TMEM40: variants seen among roughly 807,000 people sequenced by gnomAD.
The protein encoded by TMEM40 is transmembrane protein 40.
Under a neutral mutation model 40.8 loss-of-function variants are expected in TMEM40, and 34 were observed. The ratio of observed to expected loss-of-function variants is 0.83; its 90% CI spans 0.63 to 1.11. TMEM40 has a LOEUF of 1.11. Among genes scored for constraint, TMEM40 ranks in the 50% least tolerant of loss-of-function variants. TMEM40 has a pLI of 0.00. For synonymous variants in TMEM40, 106 were observed against 107.0 expected (o/e 0.99, Z 0.06); for missense variants, 296 against 280.2 (o/e 1.06, Z -0.40).
upstream of TMEM40, among the ~76,000 whole-genome samples, chr3:12,759,983 G>T (rs908826573): frequency 0.095 from 4 of 42 alleles, no homozygotes; most frequent in African/African-American, 0.2. Flanking sequence ...AACAGGCAAG[G>T]CCCAGGAGCT....
At chr3:12,746,521 T>C (rs1220210944) in intron 3 of TMEM40, among the ~76,000 whole-genome samples, 1 of 152,094 alleles carries the variant, frequency 6.6e-6, no homozygotes, top group Non-Finnish European at 1.5e-5. Context: ...GGGAGAGAGA[T>C]GGTGGATGTG....
At chr3:12,744,714 C>A (rs2061413580) in intron 3 of TMEM40, among the ~76,000 whole-genome samples, 1 of 152,220 alleles carries the variant, frequency 6.6e-6, no homozygotes, top group Non-Finnish European at 1.5e-5. Flanking sequence ...GAATTCAGGT[C>A]TAGGAGTTTC....
intron 4 of TMEM40, 92 bp downstream of exon 4, chr3:12,743,808 C>A (rs1420142572): frequency 8.0e-7 from 1 of 1,244,306 alleles, no homozygotes; most frequent in Non-Finnish European, 1.1e-6. Context: ...CTGCCATAAA[C>A]AATGCTGTGA....
intron 1 of TMEM40, among the ~76,000 whole-genome samples, chr3:12,753,981 C>T (rs990645546): frequency 6.6e-6 from 1 of 152,108 alleles, no homozygotes; most frequent in African/African-American, 2.4e-5. Flanking sequence ...AGGAGGGAGG[C>T]AGACTGGAGA....
At position 12,755,945 on chromosome 3, in the gene TMEM40, G is replaced by T. The variant is rs547541523; in HGVS notation, c.-9+3246C>A. Among the ~76,000 whole-genome samples, 3 of 152,326 alleles carry T rather than the reference G, an allele frequency of 2.0e-5. No individual in the cohort carries two copies. In the South Asian group the frequency reaches 6.2e-4, roughly 32 times the overall value. ...AAAGAGTCTCTGCAAAGAAACCGCG[G>T]ATGGAGATAACCCTAATCATGAAAG... On this transcript the variant is annotated intron_variant, in intron 1 of 11. Transcript: ENST00000314124.
At chr3:12,749,214 C>T (rs1396844166) in intron 2 of TMEM40, among the ~76,000 whole-genome samples, 3 of 151,944 alleles carry the variant, frequency 2.0e-5, no homozygotes, top group African/African-American at 4.8e-5. Context: ...TTAGTAGAGA[C>T]GGGGTTTCAC....
At chr3:12,736,673 G>A (rs1474894761) in intron 9 of TMEM40, 21 bp from the exon 10 acceptor site, 2 of 1,612,044 alleles carry the variant, frequency 1.2e-6, no homozygotes, top group Non-Finnish European at 8.5e-7. Flanking sequence ...AGTGAGGGAG[G>A]GAATGGTCAG....
chr3:12,736,954 T>C (rs1277106668), intron 8 of TMEM40, 119 bp from the exon 9 acceptor site: 2 of 1,271,308 alleles, frequency 1.6e-6, no homozygotes, highest in Non-Finnish European at 2.3e-6. Flanking sequence ...TCCCAGCTCA[T>C]TGCAGCCTTG....
At chr3:12,734,925 A>C (rs1323724859) in intron 11 of TMEM40, 132 bp from the exon 12 acceptor site, 6 of 976,278 alleles carry the variant, frequency 6.1e-6, no homozygotes, top group Admixed American at 4.3e-5. Flanking sequence ...ATGGGTCTCA[A>C]TGAACCACAG....
At chr3:12,762,041 T>C, upstream of TMEM40, among the ~76,000 whole-genome samples, 1 of 152,184 alleles carries the variant, frequency 6.6e-6, no homozygotes, top group Admixed American at 6.5e-5. Context: ...TCATAGCTCA[T>C]GGTAACCTTG....
chr3:12,766,597 A>C (rs1352264701), intron 1 of TMEM40, among the ~76,000 whole-genome samples: 1 of 150,886 alleles, frequency 6.6e-6, no homozygotes, highest in Non-Finnish European at 1.5e-5. Flanking sequence ...TCCATCTCAA[A>C]AAAAAAAAAA....
At chr3:12,755,233 C>CTCTCTCTCTCTCTCTT (rs1553634013) in intron 1 of TMEM40, among the ~76,000 whole-genome samples, 6 of 59,958 alleles carry the variant, frequency 1.0e-4, no homozygotes, top group African/African-American at 4.3e-4. Flanking sequence ...CTCTCTCTCT[C>CTCTCTCTCTCTCTCTT]TCTTTCTTTC....
chr3:12,748,795 A>G lies in TMEM40; in HGVS notation c.74-3T>C, dbSNP rs1309643342. 3.7e-6 allele frequency: 6 copies of G among 1,613,822 alleles called. No homozygotes were observed. The Middle Eastern group carries it at 5.0e-4, about 134-fold the overall frequency. On this transcript the variant is annotated splice_region_variant and splice_polypyrimidine_tract_variant and intron_variant, in intron 2 of 11. Coordinates refer to ENST00000314124, the MANE Select transcript of TMEM40 (RefSeq NM_018306.4). ...CTTGTGGAAATCTGTCTCTCCATCT[A>G]CAAGGCACACAGAGGCCAGGGGATG...
At chr3:12,742,288 C>T (rs1318359092) in intron 5 of TMEM40, among the ~76,000 whole-genome samples, 166 bp downstream of exon 5, 1 of 152,066 alleles carries the variant, frequency 6.6e-6, no homozygotes, top group Non-Finnish European at 1.5e-5. Flanking sequence ...ATCTCATGCC[C>T]GCCTCCCCAC....
intron 1 of TMEM40, among the ~76,000 whole-genome samples, chr3:12,755,225 CTCTCTCTCTCTTTCTTTCTT>C (rs2061514103): frequency 1.3e-5 from 1 of 78,950 alleles, no homozygotes; most frequent in African/African-American, 6.2e-5. Context: ...CTCTCTCTCT[CTCTCTCTCTCTTTCTTTCTT>C]TCTTTCTTTC....
chr3:12,751,849 G>A (rs2061479796), intron 1 of TMEM40, among the ~76,000 whole-genome samples: 1 of 152,164 alleles, frequency 6.6e-6, no homozygotes, highest in African/African-American at 2.4e-5. Context: ...GCTGGCTGAT[G>A]TCAGATAGAC....
intron 1 of TMEM40, among the ~76,000 whole-genome samples, chr3:12,766,789 C>T (rs1003088649): frequency 3.3e-5 from 5 of 152,140 alleles, no homozygotes; most frequent in African/African-American, 1.2e-4. Flanking sequence ...TGCAGAAACA[C>T]AGGTCTAGAG....
chr3:12,742,442 G>A lies in TMEM40; in HGVS notation c.355+12C>T. 1 of 1,612,792 alleles carries A rather than the reference G, an allele frequency of 6.2e-7. No homozygotes were observed. The highest frequency in any genetic ancestry group is 8.5e-7 in the Non-Finnish European group (1 of 1,179,104). ...TAATTGTTTTCTCCAAAGCTACTGG[G>A]CAACTGATTACCTCCATAGAGTTGA... On this transcript the variant is annotated intron_variant, in intron 5 of 11. Transcript: ENST00000314124.
At chr3:12,750,147 T>C (rs1438596340) in intron 1 of TMEM40, among the ~76,000 whole-genome samples, 2 of 151,458 alleles carry the variant, frequency 1.3e-5, no homozygotes, top group Non-Finnish European at 2.9e-5. Context: ...TTTTTCTTTT[T>C]TTTTTTTTGT....
Sources: allele counts gnomAD v4.1 joint callset (sites outside exome capture counted in the v4.1 genomes callset), GRCh38; gene constraint gnomAD v4.1.1; transcripts MANE v1.5; gene names NCBI Gene and HGNC (gene_info 2026-07-23, HGNC 2026-07-21).